Variants in CPNE4 observed in about 807,000 individuals in gnomAD.
CPNE4 encodes the protein copine-4.
A neutral mutation model predicts 67.9 loss-of-function variants in CPNE4; 25 were observed. The observed-to-expected ratio is 0.37, with a 90% CI of 0.27 to 0.51. The LOEUF (loss-of-function observed/expected upper bound fraction) is 0.51, where lower values mean the gene tolerates loss of function less well. Among genes scored for constraint, CPNE4 ranks in the 20% least tolerant of loss-of-function variants. The pLI is 0.93. For missense variants in CPNE4, 464 were observed against 690.8 expected, an observed-to-expected ratio of 0.67 and a Z score of 3.68; for synonymous variants, 242 against 244.9, an observed-to-expected ratio of 0.99 and a Z score of 0.11.
At chr3:131,916,747 T>A (rs2089197260) in intron 1 of CPNE4, among the ~76,000 whole-genome samples, 1 of 152,204 alleles carries the variant, frequency 6.6e-6, no homozygotes, top group Non-Finnish European at 1.5e-5. Context: ...ATTAAGCACT[T>A]GAACTGTGGC....
intron 2 of CPNE4, among the ~76,000 whole-genome samples, chr3:131,778,731 G>A (rs544964562): frequency 2.6e-5 from 4 of 152,104 alleles, no homozygotes; most frequent in African/African-American, 9.6e-5. Context: ...TTTCTCTCAG[G>A]AATGAGAATA....
intron 1 of CPNE4, among the ~76,000 whole-genome samples, chr3:131,945,032 G>C (rs2071508438): frequency 6.6e-6 from 1 of 152,090 alleles, no homozygotes; most frequent in African/African-American, 2.4e-5. Flanking sequence ...AATATATGTA[G>C]GACATTGGGT....
At chr3:131,958,970 CTTTTTTTTT>C (rs869035381) in intron 1 of CPNE4, among the ~76,000 whole-genome samples, 1 of 19,266 alleles carries the variant, frequency 5.2e-5, no homozygotes, top group Non-Finnish European at 8.5e-5. Context: ...ATACACCTTT[CTTTTTTTTT>C]TTTTTTTTTT....
At chr3:131,633,317 A>G (rs559071360) in intron 7 of CPNE4, among the ~76,000 whole-genome samples, 1 of 151,736 alleles carries the variant, frequency 6.6e-6, no homozygotes, top group South Asian at 2.1e-4. Flanking sequence ...TCACCTCCTT[A>G]CCCCACCCCC....
chr3:131,978,164 TATAA>T (rs1474649963), intron 1 of CPNE4, among the ~76,000 whole-genome samples: 12 of 75,546 alleles, frequency 1.6e-4, no homozygotes, highest in Non-Finnish European at 2.7e-4. Context: ...TATAAATATA[TATAA>T]ATATGTAAAT....
intron 1 of CPNE4, among the ~76,000 whole-genome samples, chr3:131,929,957 A>G (rs1431282248): frequency 6.6e-6 from 1 of 152,206 alleles, no homozygotes; most frequent in Non-Finnish European, 1.5e-5. Context: ...TAAGATCCAC[A>G]TGCAGGACAG....
intron 2 of CPNE4, among the ~76,000 whole-genome samples, chr3:131,826,266 T>C (rs563224414): frequency 1.8e-3 from 267 of 152,200 alleles, no homozygotes; most frequent in Non-Finnish European, 3.0e-3. Flanking sequence ...GCAGTTTGGC[T>C]CACTGCATCC....
chr3:131,689,840 G>C (rs892984258), intron 5 of CPNE4, among the ~76,000 whole-genome samples: 2 of 152,110 alleles, frequency 1.3e-5, no homozygotes, highest in African/African-American at 4.8e-5. Context: ...AAGACTCCTA[G>C]AACTGATCTT....
intron 2 of CPNE4, among the ~76,000 whole-genome samples, chr3:131,792,748 T>C (rs1298153145): frequency 1.2e-4 from 14 of 119,562 alleles, no homozygotes; most frequent in Non-Finnish European, 1.7e-4. Flanking sequence ...TATATATGTA[T>C]ATATATACAC....
At chr3:131,683,958 T>C (rs2080821488) in intron 6 of CPNE4, among the ~76,000 whole-genome samples, 1 of 152,002 alleles carries the variant, frequency 6.6e-6, no homozygotes, top group South Asian at 2.1e-4. Flanking sequence ...CAGTGCAAGG[T>C]CCCATAATCA....
intron 8 of CPNE4, 113 bp from the exon 9 acceptor site, chr3:131,581,778 G>A (rs1937853167): frequency 6.8e-6 from 5 of 734,928 alleles, no homozygotes; most frequent in Non-Finnish European, 1.2e-5. Flanking sequence ...CTGACAAATA[G>A]TCTCTAGGTG....
chr3:132,037,288 C>T (rs1402943218), upstream of CPNE4, among the ~76,000 whole-genome samples: 1 of 20,568 alleles, frequency 4.9e-5, no homozygotes, highest in Non-Finnish European at 1.2e-4. Context: ...TGCCAGTGCG[C>T]AGAAAACGTG....
chr3:131,535,728 A>G (rs1165474815), intron 15 of CPNE4, among the ~76,000 whole-genome samples: 5 of 152,194 alleles, frequency 3.3e-5, no homozygotes, highest in Non-Finnish European at 5.9e-5. Context: ...GGCATGGCCA[A>G]TATTAACTAT....
intron 2 of CPNE4, among the ~76,000 whole-genome samples, chr3:131,811,685 C>A (rs1440992289): frequency 2.6e-5 from 4 of 152,060 alleles, no homozygotes; most frequent in African/African-American, 9.7e-5. Flanking sequence ...AGCGGGAGGG[C>A]ATTATGTAGA....
At chr3:131,874,745 A>C (rs1297020756) in intron 2 of CPNE4, among the ~76,000 whole-genome samples, 1 of 152,230 alleles carries the variant, frequency 6.6e-6, no homozygotes, top group Non-Finnish European at 1.5e-5. Context: ...TTTAATTACA[A>C]CTTCATGGTA....
chr3:131,785,535 T>C (rs1223169616), intron 2 of CPNE4, among the ~76,000 whole-genome samples: 1 of 152,130 alleles, frequency 6.6e-6, no homozygotes, highest in African/African-American at 2.4e-5. Context: ...TTTCTTATTG[T>C]TTCTCTCCTC....
At chr3:131,595,350 TGTG>T (rs1938780897) in intron 7 of CPNE4, among the ~76,000 whole-genome samples, 1 of 151,964 alleles carries the variant, frequency 6.6e-6, no homozygotes. Context: ...ATAAAGAAAA[TGTG>T]GTGCATATAC....
At chr3:131,863,477 A>T (rs1560491909) in intron 2 of CPNE4, among the ~76,000 whole-genome samples, 2 of 152,272 alleles carry the variant, frequency 1.3e-5, no homozygotes, top group East Asian at 1.9e-4. Context: ...AAGCATTTTT[A>T]CATGTGTCTT....
chr3:131,535,466 C>G (rs1186193428), intron 15 of CPNE4, 137 bp from the exon 16 acceptor site: 6 of 786,494 alleles, frequency 7.6e-6, no homozygotes, highest in Non-Finnish European at 7.6e-6. Context: ...GGGTCTACTT[C>G]AAGCAATAGT....
Sources: allele counts gnomAD v4.1 joint callset (sites outside exome capture counted in the v4.1 genomes callset), GRCh38; gene constraint gnomAD v4.1.1; transcripts MANE v1.5; gene names NCBI Gene and HGNC (gene_info 2026-07-23, HGNC 2026-07-21).